Variants in PPEF1 observed in about 807,000 individuals in gnomAD.
PPEF1 encodes the protein protein phosphatase with EF-hand domain 1, also known as serine/threonine-protein phosphatase with EF-hands 1.
In PPEF1, 12 loss-of-function variants were observed where a neutral mutation model predicts 53.3. That is an observed-to-expected ratio of 0.23 (90% CI 0.14 to 0.36). The LOEUF is 0.36. PPEF1 is among the 10% of genes least tolerant of loss of function. The probability of loss-of-function intolerance (pLI) is 1.00; values close to 1 mark genes in which losing one functional copy is unlikely to be tolerated. For synonymous variants in PPEF1, 165 were observed against 176.7 expected (o/e 0.93, Z 0.52); for missense variants, 334 against 490.4 (o/e 0.68, Z 3.01).
intron 5 of PPEF1, chrX:18,700,240 GGTGTGTGTGTGTGTGTGTGTGTGTGT>G (rs59189184): frequency 3.7e-5 from 2 of 53,867 alleles, no homozygotes; most frequent in African/African-American, 5.3e-5. Context: ...TGCAGAGTGG[GGTGTGTGTGTGTGTGTGTGTGTGTGT>G]GTGTGTGTGT....
chrX:18,739,111 A>T (rs1375086600), intron 3 of PPEF1, among the ~76,000 whole-genome samples: 3 of 112,402 alleles, frequency 2.7e-5, no homozygotes, highest in Non-Finnish European at 5.6e-5. Context: ...ATTACCGATC[A>T]TCCGAGGCCT....
intron 2 of PPEF1, among the ~76,000 whole-genome samples, chrX:18,685,087 G>A (rs1204953088): frequency 8.9e-6 from 1 of 112,112 alleles, no homozygotes; most frequent in Non-Finnish European, 1.9e-5. Context: ...TTACTCCCTC[G>A]ACTCCCACAA....
At chrX:18,759,090 T>G (rs1171772245) in intron 5 of PPEF1, among the ~76,000 whole-genome samples, 1 of 111,338 alleles carries the variant, frequency 9.0e-6, no homozygotes, top group Non-Finnish European at 1.9e-5. Flanking sequence ...GGTGGTTCAT[T>G]GTCCATCGTG....
intron 13 of PPEF1, among the ~76,000 whole-genome samples, chrX:18,822,370 C>A (rs1205566371): frequency 1.6e-4 from 17 of 107,556 alleles, no homozygotes; most frequent in Non-Finnish European, 2.7e-4. Context: ...AAAAAAAAGA[C>A]TAGTTTTGGA....
intron 9 of PPEF1, among the ~76,000 whole-genome samples, chrX:18,788,102 G>T (rs746860098): frequency 1.8e-5 from 2 of 111,347 alleles, no homozygotes; most frequent in Non-Finnish European, 3.8e-5. Context: ...GGATCACGAG[G>T]TCAGGAGATC....
chrX:18,733,692 G>T (rs1006636267), intron 2 of PPEF1, 56 bp from the exon 3 acceptor site: 12 of 995,135 alleles, frequency 1.2e-5, no homozygotes, highest in South Asian at 2.1e-5. Context: ...AACAGCATTT[G>T]TCACAGTAGC....
intron 3 of PPEF1, among the ~76,000 whole-genome samples, chrX:18,739,135 C>G (rs1380700851): frequency 2.7e-5 from 3 of 112,877 alleles, no homozygotes; most frequent in African/African-American, 9.6e-5. Context: ...GCTGTCAACT[C>G]ATCAAAGTCC....
At chrX:18,741,914 A>G (rs1267955525) in intron 3 of PPEF1, among the ~76,000 whole-genome samples, 1 of 107,609 alleles carries the variant, frequency 9.3e-6, no homozygotes, top group Non-Finnish European at 1.9e-5. Flanking sequence ...AGCAATTCTC[A>G]TGCCTCCCGA....
intron 3 of PPEF1, among the ~76,000 whole-genome samples, chrX:18,744,045 C>T (rs1425434151): frequency 9.1e-6 from 1 of 109,840 alleles, no homozygotes; most frequent in Non-Finnish European, 1.9e-5. Context: ...CATGCACCAC[C>T]ATGCCTGGCT....
chrX:18,787,503 A>G (rs990282916), intron 9 of PPEF1, among the ~76,000 whole-genome samples: 1 of 111,197 alleles, frequency 9.0e-6, no homozygotes, highest in African/African-American at 3.3e-5. Flanking sequence ...CTGGGGGAAA[A>G]TGGTCGTGTA....
At chrX:18,687,395 GT>G (rs1929132894) in intron 3 of PPEF1, among the ~76,000 whole-genome samples, 2 of 111,423 alleles carry the variant, frequency 1.8e-5, no homozygotes, top group African/African-American at 6.5e-5. Context: ...CTGTAGCCTC[GT>G]TTTATAGTTG....
intron 2 of PPEF1, among the ~76,000 whole-genome samples, chrX:18,731,744 C>A (rs1486433115): frequency 1.8e-5 from 2 of 111,952 alleles, no homozygotes; most frequent in Non-Finnish European, 3.8e-5. Flanking sequence ...AAACTCCGTA[C>A]CCATTAGCAG....
At chrX:18,768,188 G>T (rs752372101) in intron 6 of PPEF1, among the ~76,000 whole-genome samples, 2 of 111,913 alleles carry the variant, frequency 1.8e-5, no homozygotes, top group African/African-American at 6.5e-5. Flanking sequence ...ATCTTGAATT[G>T]TGGGGAATAG....
chrX:18,739,167 A>G (rs987821890), intron 3 of PPEF1, among the ~76,000 whole-genome samples: 1 of 112,479 alleles, frequency 8.9e-6, no homozygotes, highest in Admixed American at 9.4e-5. Flanking sequence ...GCTTTGTTCC[A>G]TTGCTGGCGA....
chrX:18,736,703 G>A (rs1247287710), intron 3 of PPEF1, among the ~76,000 whole-genome samples: 2 of 112,327 alleles, frequency 1.8e-5, no homozygotes, highest in East Asian at 5.5e-4. Flanking sequence ...CAGAAGGAAT[G>A]GTACCAGCTC....
chrX:18,746,190 AC>A (rs982870128), intron 3 of PPEF1, among the ~76,000 whole-genome samples: 18 of 112,381 alleles, frequency 1.6e-4, no homozygotes, highest in African/African-American at 5.5e-4. Context: ...TCTGTGTTGC[AC>A]AAATCTTTAT....
chrX:18,792,261 A>T (rs1454435252), intron 10 of PPEF1, among the ~76,000 whole-genome samples: 2 of 112,241 alleles, frequency 1.8e-5, no homozygotes, highest in African/African-American at 6.5e-5. Flanking sequence ...TAATTCTTCA[A>T]ATGTTTGATA....
At chrX:18,696,920 G>A (rs1448998284) in intron 4 of PPEF1, among the ~76,000 whole-genome samples, 4 of 112,189 alleles carry the variant, frequency 3.6e-5, no homozygotes, top group African/African-American at 1.3e-4. Context: ...CTCCTCTCCA[G>A]TCCAGCTGCT....
chrX:18,750,437 T>G (rs2045420556), intron 4 of PPEF1, among the ~76,000 whole-genome samples: 1 of 112,242 alleles, frequency 8.9e-6, no homozygotes, highest in African/African-American at 3.2e-5. Context: ...GTTTGGCTTC[T>G]TTCTCTTAGT....
Sources: gnomAD v4.1 joint callset for allele counts (sites outside exome capture counted in the v4.1 genomes callset) on GRCh38, gnomAD v4.1.1 for gene constraint, MANE v1.5 for transcripts, NCBI Gene and HGNC (gene_info 2026-07-23, HGNC 2026-07-21) for gene names.